ZNF804B: variants seen among roughly 807,000 people sequenced by gnomAD.
The protein encoded by ZNF804B is zinc finger 804B.
Under a neutral mutation model 101.4 loss-of-function variants are expected in ZNF804B, and 80 were observed. That is an observed-to-expected ratio of 0.79 (90% CI 0.66 to 0.95). The LOEUF is 0.95. Among genes scored for constraint, ZNF804B ranks in the 40% least tolerant of loss-of-function variants. ZNF804B has a pLI of 0.00. For synonymous variants in ZNF804B, 622 were observed against 558.8 expected (o/e 1.11, Z -1.59); for missense variants, 1,673 against 1,561.9 (o/e 1.07, Z -1.20).
chr7:88,815,791 C>G (rs1790866094), intron 1 of ZNF804B, among the ~76,000 whole-genome samples: 1 of 152,112 alleles, frequency 6.6e-6, no homozygotes, highest in African/African-American at 2.4e-5. Flanking sequence ...TCTTCCCATG[C>G]CAAGCTGCCT....
chr7:89,179,176 T>A (rs1180873146), intron 1 of ZNF804B, among the ~76,000 whole-genome samples: 1 of 152,190 alleles, frequency 6.6e-6, no homozygotes, highest in Non-Finnish European at 1.5e-5. Context: ...TTTAATAACC[T>A]TCTTGTACTT....
chr7:88,872,021 A>AT (rs1391210008), intron 1 of ZNF804B, among the ~76,000 whole-genome samples: 1 of 152,050 alleles, frequency 6.6e-6, no homozygotes, highest in Non-Finnish European at 1.5e-5. Context: ...AAATTTTATG[A>AT]TTTTCCAAAT....
At chr7:89,109,773 T>C (rs938172326) in intron 1 of ZNF804B, among the ~76,000 whole-genome samples, 5 of 152,216 alleles carry the variant, frequency 3.3e-5, no homozygotes, top group Admixed American at 6.6e-5. Flanking sequence ...TGTTAGCCTT[T>C]AGTTGAATTT....
chr7:89,188,675 C>T (rs898273833), intron 1 of ZNF804B, among the ~76,000 whole-genome samples: 2 of 152,118 alleles, frequency 1.3e-5, no homozygotes, highest in Admixed American at 6.5e-5. Flanking sequence ...AAAAGCAAAA[C>T]AGCTTTATTG....
chr7:88,832,432 G>C (rs1186109443), intron 1 of ZNF804B, among the ~76,000 whole-genome samples: 1 of 151,962 alleles, frequency 6.6e-6, no homozygotes, highest in Non-Finnish European at 1.5e-5. Flanking sequence ...TCTGTATATG[G>C]AAGATGCGCA....
intron 1 of ZNF804B, among the ~76,000 whole-genome samples, chr7:88,925,570 G>A (rs2116006809): frequency 6.6e-6 from 1 of 152,248 alleles, no homozygotes; most frequent in African/African-American, 2.4e-5. Context: ...CATGGAGAGA[G>A]GCCTTGGGAG....
At chr7:89,226,350 T>G (rs2115725608) in intron 2 of ZNF804B, among the ~76,000 whole-genome samples, 1 of 152,130 alleles carries the variant, frequency 6.6e-6, no homozygotes, top group East Asian at 1.9e-4. Flanking sequence ...AATCTAAACA[T>G]ACAATGAAGA....
At chr7:88,918,212 G>T (rs189061357) in intron 1 of ZNF804B, among the ~76,000 whole-genome samples, 1 of 152,138 alleles carries the variant, frequency 6.6e-6, no homozygotes, top group East Asian at 1.9e-4. Context: ...TAGTATTCAT[G>T]GTTCAATAAA....
chr7:89,287,602 A>G (rs1279250460), intron 2 of ZNF804B, among the ~76,000 whole-genome samples: 1 of 152,178 alleles, frequency 6.6e-6, no homozygotes, highest in Non-Finnish European at 1.5e-5. Context: ...AGAAGACTGG[A>G]TAGGATAGAT....
At chr7:88,766,647 A>G (rs569682723) in intron 1 of ZNF804B, among the ~76,000 whole-genome samples, 70 of 152,304 alleles carry the variant, frequency 4.6e-4, no homozygotes, top group Admixed American at 8.5e-4. Flanking sequence ...TCCTGTTCCT[A>G]GTCCAGCTCT....
At chr7:89,287,531 T>A (rs1790223619) in intron 2 of ZNF804B, among the ~76,000 whole-genome samples, 2 of 152,206 alleles carry the variant, frequency 1.3e-5, no homozygotes, top group Admixed American at 1.3e-4. Flanking sequence ...ATTTCTGGAC[T>A]ATTAAATAAA....
intron 1 of ZNF804B, among the ~76,000 whole-genome samples, chr7:89,037,067 T>A (rs1212547761): frequency 6.6e-6 from 1 of 152,106 alleles, no homozygotes; most frequent in Admixed American, 6.6e-5. Context: ...ATTACACGAA[T>A]GAGACAATTT....
At chr7:88,778,601 T>G (rs962556817) in intron 1 of ZNF804B, among the ~76,000 whole-genome samples, 1 of 152,188 alleles carries the variant, frequency 6.6e-6, no homozygotes, top group African/African-American at 2.4e-5. Flanking sequence ...TTGGGGACAT[T>G]GTCTTCATCT....
chr7:89,168,106 G>T (rs921249986), intron 1 of ZNF804B, among the ~76,000 whole-genome samples: 7 of 151,930 alleles, frequency 4.6e-5, no homozygotes, highest in Admixed American at 2.6e-4. Flanking sequence ...TATCCACAGA[G>T]AAAAGAAAAT....
chr7:89,254,591 T>A (rs1371484798), intron 2 of ZNF804B, among the ~76,000 whole-genome samples: 1 of 151,680 alleles, frequency 6.6e-6, no homozygotes, highest in Non-Finnish European at 1.5e-5. Context: ...GTGGAAAATT[T>A]ACTCCATATA....
At chr7:88,838,754 GAA>G (rs1791253019) in intron 1 of ZNF804B, among the ~76,000 whole-genome samples, 1 of 151,980 alleles carries the variant, frequency 6.6e-6, no homozygotes, top group East Asian at 1.9e-4. Flanking sequence ...AAAACTGAGA[GAA>G]ATAGAATCTA....
At chr7:88,786,834 A>G (rs1790309760) in intron 1 of ZNF804B, among the ~76,000 whole-genome samples, 1 of 152,180 alleles carries the variant, frequency 6.6e-6, no homozygotes. Context: ...AATTAACCTT[A>G]TGGAATAATT....
chr7:89,116,124 A>G (rs2116359534), intron 1 of ZNF804B, among the ~76,000 whole-genome samples: 2 of 151,670 alleles, frequency 1.3e-5, no homozygotes, highest in South Asian at 2.1e-4. Flanking sequence ...ATGTTCCCCA[A>G]GCTGGTCTTG....
chr7:89,328,740 A>G (rs17168731), intron 3 of ZNF804B, among the ~76,000 whole-genome samples: 1,703 of 152,020 alleles, frequency 0.011, 28 homozygotes, highest in African/African-American at 0.039. Context: ...ATCATAACAA[A>G]TGGTACAAGT....
Sources: gnomAD v4.1 joint callset for allele counts (sites outside exome capture counted in the v4.1 genomes callset) on GRCh38, gnomAD v4.1.1 for gene constraint, MANE v1.5 for transcripts, NCBI Gene and HGNC (gene_info 2026-07-23, HGNC 2026-07-21) for gene names.